The following PATJ variants were observed in gnomAD, a reference collection of about 807,000 sequenced individuals.
The protein encoded by PATJ is inaD-like protein.
A neutral mutation model predicts 224.9 loss-of-function variants in PATJ; 190 were observed. That is an observed-to-expected ratio of 0.84 (90% confidence interval 0.75 to 0.95). The LOEUF is 0.95. Among genes scored for constraint, PATJ ranks in the 40% least tolerant of loss-of-function variants. The probability of loss-of-function intolerance (pLI) is 0.00; values close to 1 mark genes in which losing one functional copy is unlikely to be tolerated. For synonymous variants in PATJ, 769 were observed against 820.3 expected (o/e 0.94, Z 1.07); for missense variants, 2,121 against 2,270.3 (o/e 0.93, Z 1.34).
chr1:61,965,121 C>CAAAAAAAAAAAAAAAAAAAAAAA lies in PATJ; in HGVS notation c.3671-25029_3671-25007dup, dbSNP rs34267345. Among the ~76,000 whole-genome samples the CAAAAAAAAAAAAAAAAAAAAAAA allele has an allele frequency of 1.8e-4, 10 of 54,386 alleles. 2 individuals are homozygous for CAAAAAAAAAAAAAAAAAAAAAAA. Among genetic ancestry groups the CAAAAAAAAAAAAAAAAAAAAAAA allele is most frequent in the Non-Finnish European group, 2.4e-4 (8 of 33,046 alleles). 35.7% of individuals were successfully genotyped at this position (54,386 alleles called of 152,430 possible). A position where few individuals can be genotyped will look rare whatever the true frequency, so the allele number is the denominator to read the frequency against. ...TGGGCCACTGAAGGAGACTCTGTCT[C>CAAAAAAAAAAAAAAAAAAAAAAA]AAAAAAAAAAAAAAAAAAAAAAAAA... On this transcript the variant is annotated intron_variant, in intron 27 of 43. Coordinates refer to ENST00000642238, the MANE Select transcript of PATJ (RefSeq NM_001350145.3).
rs376397751 is a variant in PATJ, at chr1:62,050,974, C to T, written c.4041C>T (p.Ser1347=). The change falls in exon 31 of 44, where the codon AGC becomes AGT. Residue 1347 remains serine, a synonymous_variant. Coordinates refer to ENST00000642238, the MANE Select transcript of PATJ (RefSeq NM_001350145.3). ...SSSPSSIEDQ[S]GTEPISSEED... ...TTTTTAACGTTCCATAGGATCAGAGCGGCACCGAACCTATTAGTAGTGAGG... is the reference window on the plus strand; with the variant it reads ...TTTTTAACGTTCCATAGGATCAGAGTGGCACCGAACCTATTAGTAGTGAGG... 17 of 1,613,022 alleles carry T rather than the reference C, an allele frequency of 1.1e-5. No homozygotes were observed. The African/African-American group carries it at 1.1e-4, about 10-fold the overall frequency.
At chr1:62,155,866 G>A (rs1014275689) in intron 43 of PATJ, among the ~76,000 whole-genome samples, 3 of 150,228 alleles carry the variant, frequency 2.0e-5, no homozygotes, top group Admixed American at 2.0e-4. Context: ...GACCATCCTG[G>A]CTAACACAGT....
chr1:61,957,369 TCAGA>T (rs1269450426), intron 27 of PATJ, among the ~76,000 whole-genome samples: 2 of 152,214 alleles, frequency 1.3e-5, no homozygotes, highest in Non-Finnish European at 2.9e-5. Flanking sequence ...ATGGTTTTTA[TCAGA>T]CAAATAATTT....
At chr1:61,963,015 T>C (rs141958006) in intron 27 of PATJ, among the ~76,000 whole-genome samples, 38 of 152,320 alleles carry the variant, frequency 2.5e-4, no homozygotes, top group African/African-American at 8.9e-4. Flanking sequence ...CACAAATAGT[T>C]ATAAAGGAGG....
At chr1:61,852,133 AAAAAAAAAG>A (rs1415734563) in intron 17 of PATJ, among the ~76,000 whole-genome samples, 11 of 151,604 alleles carry the variant, frequency 7.3e-5, no homozygotes, top group Admixed American at 7.2e-4. Context: ...AAAAAAAAAA[AAAAAAAAAG>A]AGGTGTAGGG....
rs1418307483 is a variant in PATJ, at chr1:62,084,516, T to G, written c.4245T>G (p.Gly1415=). 1 of 1,608,260 alleles carries G rather than the reference T, an allele frequency of 6.2e-7. No homozygotes were observed. Among genetic ancestry groups the G allele is most frequent in the South Asian group, 1.1e-5 (1 of 88,952 alleles). Residue 1415 remains glycine (G), a splice_region_variant and synonymous_variant, in exon 33 of 44, where the codon GGT becomes GGG. Transcript: ENST00000642238. ...ATGCTGTGTTCAATTCTTTTCCAGG[T>G]GGTTTCCAGGCTCCTCTGTCAGTGG... ...HSTDADFTGY[G]GFQAPLSVDP...
intron 30 of PATJ, among the ~76,000 whole-genome samples, chr1:62,039,860 T>G (rs1019207540): frequency 6.6e-6 from 1 of 152,026 alleles, no homozygotes; most frequent in Admixed American, 6.6e-5. Flanking sequence ...TGACTGCTGG[T>G]GCCTTCTTGT....
chr1:61,873,966 T>G (rs1394547991), intron 20 of PATJ, among the ~76,000 whole-genome samples: 1 of 152,152 alleles, frequency 6.6e-6, no homozygotes, highest in Non-Finnish European at 1.5e-5. Flanking sequence ...GCTGAGAGCT[T>G]TCTTTTTGCT....
At chr1:62,051,868 T>A (rs1160835752) in intron 31 of PATJ, among the ~76,000 whole-genome samples, 1 of 152,240 alleles carries the variant, frequency 6.6e-6, no homozygotes. Flanking sequence ...ATTTGTTGCA[T>A]ATCAGACACT....
At chr1:61,910,080 A>G (rs1335565646) in intron 25 of PATJ, among the ~76,000 whole-genome samples, 2 of 152,254 alleles carry the variant, frequency 1.3e-5, no homozygotes, top group East Asian at 1.9e-4. Context: ...TATTGAGAAT[A>G]TAGTTGAGGC....
intron 28 of PATJ, among the ~76,000 whole-genome samples, chr1:62,017,595 G>T (rs1292166092): frequency 6.6e-6 from 1 of 151,654 alleles, no homozygotes; most frequent in African/African-American, 2.4e-5. Flanking sequence ...AGCCAGGCGT[G>T]GTGGCACATG....
chr1:61,835,328 G>A (rs956771062), intron 17 of PATJ, among the ~76,000 whole-genome samples: 4 of 152,076 alleles, frequency 2.6e-5, no homozygotes, highest in African/African-American at 9.7e-5. Context: ...CCACTAGGTG[G>A]TTAATAAATA....
chr1:61,772,993 T>C (rs889236808), intron 6 of PATJ, among the ~76,000 whole-genome samples: 2 of 152,182 alleles, frequency 1.3e-5, no homozygotes, highest in African/African-American at 2.4e-5. Flanking sequence ...AGATAGTAGA[T>C]GTTCTAGACA....
intron 20 of PATJ, among the ~76,000 whole-genome samples, chr1:61,869,296 C>T (rs918668260): frequency 7.9e-5 from 12 of 151,444 alleles, no homozygotes; most frequent in African/African-American, 2.2e-4. Flanking sequence ...TTAGTAGAGA[C>T]GGGGTTTCAC....
At chr1:62,071,490 C>CTTTTTT (rs747065507) in intron 31 of PATJ, among the ~76,000 whole-genome samples, 4 of 117,728 alleles carry the variant, frequency 3.4e-5, no homozygotes, top group Admixed American at 9.7e-5. Flanking sequence ...TTGTAGATCA[C>CTTTTTT]TTTTTTTTTT....
At chr1:62,101,578 C>A (rs892083626) in intron 33 of PATJ, among the ~76,000 whole-genome samples, 3 of 152,124 alleles carry the variant, frequency 2.0e-5, no homozygotes, top group Admixed American at 6.6e-5. Context: ...ATAGTAGTTT[C>A]TTAAGCAACA....
chr1:61,778,915 G>T (rs201830637), intron 7 of PATJ, among the ~76,000 whole-genome samples: 2 of 151,914 alleles, frequency 1.3e-5, no homozygotes, highest in Non-Finnish European at 2.9e-5. Context: ...TGGCCAGGCT[G>T]GTCTGGAACT....
intron 41 of PATJ, among the ~76,000 whole-genome samples, chr1:62,145,706 A>G (rs1452926562): frequency 2.0e-5 from 3 of 151,960 alleles, no homozygotes; most frequent in Non-Finnish European, 4.4e-5. Context: ...CCTGTAACTC[A>G]GCACTTTGGG....
chr1:62,134,477 C>T (rs1666613335), intron 41 of PATJ, among the ~76,000 whole-genome samples: 1 of 151,768 alleles, frequency 6.6e-6, no homozygotes. Flanking sequence ...TCCCGAGTAG[C>T]TGGGATTACA....
Sources: allele counts gnomAD v4.1 joint callset (sites outside exome capture counted in the v4.1 genomes callset), GRCh38; gene constraint gnomAD v4.1.1; transcripts MANE v1.5; gene names NCBI Gene and HGNC (gene_info 2026-07-23, HGNC 2026-07-21).